ASTN1: variants seen among roughly 807,000 people sequenced by gnomAD.
ASTN1 encodes astrotactin 1, also known as astrotactin-1.
A neutral mutation model predicts 140.7 loss-of-function variants in ASTN1; 41 were observed. The observed-to-expected ratio is 0.29, with a 90% CI of 0.23 to 0.38. The LOEUF (loss-of-function observed/expected upper bound fraction) is 0.38, where lower values mean the gene tolerates loss of function less well. Among genes scored for constraint, ASTN1 ranks in the 10% least tolerant of loss-of-function variants. The probability of loss-of-function intolerance (pLI) is 1.00; values close to 1 mark genes in which losing one functional copy is unlikely to be tolerated. For synonymous variants in ASTN1, 640 were observed against 652.2 expected, an observed-to-expected ratio of 0.98 and a Z score of 0.29; for missense variants, 1,479 against 1,678.8, an observed-to-expected ratio of 0.88 and a Z score of 2.08.
rs116128886 is a variant in ASTN1 at position 177,063,780 on chromosome 1, T to C, written c.284-2515A>G. 8.7e-3 allele frequency among the ~76,000 whole-genome samples: 1,323 copies of C among 152,208 alleles called. 20 individuals are homozygous for C. Among genetic ancestry groups the C allele is most frequent in the African/African-American group, 0.03 (1,263 of 41,528 alleles). On this transcript the variant is annotated intron_variant, in intron 1 of 22. Transcript: ENST00000361833. ...TTATTGCAGCGGAAACCAAACTCTG[T>C]CTCCTAACCCTGGACATAAAAATCA...
At chr1:177,157,004 G>A (rs1369695987) in intron 1 of ASTN1, among the ~76,000 whole-genome samples, 3 of 152,164 alleles carry the variant, frequency 2.0e-5, no homozygotes, top group African/African-American at 7.2e-5. Flanking sequence ...ACCAAAACAA[G>A]TCTGAGAAAG....
chr1:177,136,591 T>G (rs530270261), intron 1 of ASTN1, among the ~76,000 whole-genome samples: 2 of 152,098 alleles, frequency 1.3e-5, no homozygotes, highest in Non-Finnish European at 2.9e-5. Context: ...TGACCTCAGG[T>G]GATCCCCCTG....
At chr1:177,120,354 T>C (rs1681319471) in intron 1 of ASTN1, among the ~76,000 whole-genome samples, 1 of 152,126 alleles carries the variant, frequency 6.6e-6, no homozygotes, top group Non-Finnish European at 1.5e-5. Context: ...GCCCCACTGA[T>C]TACAAGGACA....
chr1:177,105,829 A>G (rs539666069), intron 1 of ASTN1, among the ~76,000 whole-genome samples: 7 of 152,260 alleles, frequency 4.6e-5, no homozygotes, highest in Admixed American at 2.0e-4. Context: ...TTTCACTGTA[A>G]AAAAGAACAC....
At chr1:177,102,970 A>G (rs374208400) in intron 1 of ASTN1, among the ~76,000 whole-genome samples, 1 of 152,222 alleles carries the variant, frequency 6.6e-6, no homozygotes, top group Non-Finnish European at 1.5e-5. Context: ...GGCTGCTACT[A>G]GAAACTGAAA....
intron 2 of ASTN1, among the ~76,000 whole-genome samples, chr1:177,046,773 A>T (rs754968781): frequency 3.2e-4 from 48 of 152,274 alleles, no homozygotes; most frequent in Non-Finnish European, 6.0e-4. Flanking sequence ...GAATATGTGA[A>T]GGGAGGAAGA....
rs1680874312 is a variant in ASTN1, at chr1:177,112,571, TG to T, written c.284-51307del. ...AAATGGCTTCAAATAAAGCTTTCTG[TG>T]GTTCATCAATATTTCCACAAGGAGT... On this transcript the variant is annotated intron_variant, in intron 1 of 22. Coordinates refer to ENST00000361833, the MANE Select transcript of ASTN1 (RefSeq NM_004319.3). Among the ~76,000 whole-genome samples, 2 of 152,196 alleles carry T rather than the reference TG, an allele frequency of 1.3e-5. 1 individual carries two copies. The highest frequency in any genetic ancestry group is 4.1e-4 in the South Asian group (2 of 4,828).
intron 12 of ASTN1, among the ~76,000 whole-genome samples, chr1:176,948,306 G>C (rs1410868722): frequency 1.4e-5 from 2 of 143,302 alleles, no homozygotes; most frequent in African/African-American, 5.0e-5. Context: ...GAGGGAGAGG[G>C]GGGAGAATGG....
intron 16 of ASTN1, among the ~76,000 whole-genome samples, chr1:176,896,627 A>T (rs891488419): frequency 6.6e-6 from 1 of 152,180 alleles, no homozygotes; most frequent in African/African-American, 2.4e-5. Flanking sequence ...GCCCTTCATT[A>T]ATGCCTCATG....
chr1:177,071,885 T>C (rs1397554501), intron 1 of ASTN1, among the ~76,000 whole-genome samples: 1 of 152,144 alleles, frequency 6.6e-6, no homozygotes, highest in East Asian at 1.9e-4. Context: ...TAGAGGGAAT[T>C]CCACAAAGAC....
intron 8 of ASTN1, chr1:176,976,742 T>C (rs1234292648): frequency 1.3e-5 from 2 of 152,266 alleles, no homozygotes; most frequent in African/African-American, 4.8e-5. Flanking sequence ...ACTTTTACCC[T>C]GGGCTCATAT....
chr1:176,954,477 G>T (rs939365417), intron 11 of ASTN1, among the ~76,000 whole-genome samples: 3 of 152,158 alleles, frequency 2.0e-5, no homozygotes, highest in African/African-American at 7.2e-5. Context: ...GTGGCATTTT[G>T]ATTTTAGCCC....
intron 7 of ASTN1, among the ~76,000 whole-genome samples, chr1:177,021,501 T>C (rs1457727089): frequency 1.3e-5 from 2 of 152,192 alleles, no homozygotes; most frequent in Non-Finnish European, 2.9e-5. Flanking sequence ...TCTGGGGAAA[T>C]TAAGCAACCT....
intron 2 of ASTN1, among the ~76,000 whole-genome samples, chr1:177,052,695 CT>C (rs1677598430): frequency 6.6e-6 from 1 of 152,202 alleles, no homozygotes; most frequent in South Asian, 2.1e-4. Context: ...CTTCCTTTAC[CT>C]TTTGAAGCAG....
rs1396762915 is a variant in ASTN1 at position 177,048,085 on chromosome 1, T to G, written c.471+12993A>C. ...CACTTCCCACTCTTAACTTTTTTCA[T>G]TAGATGAAATCAGGTGAAAACGAAC... On this transcript the variant is annotated intron_variant, in intron 2 of 22. Coordinates refer to ENST00000361833, the MANE Select transcript of ASTN1 (RefSeq NM_004319.3). 4.6e-5 allele frequency among the ~76,000 whole-genome samples: 7 copies of G among 152,270 alleles called. No individual in the cohort carries two copies. The East Asian group carries it at 1.4e-3, about 29-fold the overall frequency.
At chr1:177,021,592 G>A (rs1359815926) in intron 7 of ASTN1, among the ~76,000 whole-genome samples, 1 of 152,164 alleles carries the variant, frequency 6.6e-6, no homozygotes, top group Non-Finnish European at 1.5e-5. Context: ...TGGGCAAATC[G>A]TGTAACTTCT....
intron 16 of ASTN1, among the ~76,000 whole-genome samples, chr1:176,926,728 G>A (rs961702580): frequency 1.3e-5 from 2 of 151,140 alleles, no homozygotes; most frequent in African/African-American, 4.9e-5. Context: ...TTTGGAGCTA[G>A]TTTGCAACCT....
intron 8 of ASTN1, among the ~76,000 whole-genome samples, chr1:176,971,319 C>T (rs996981384): frequency 6.6e-6 from 1 of 152,166 alleles, no homozygotes; most frequent in African/African-American, 2.4e-5. Flanking sequence ...ATGTCACTAT[C>T]TTCACAATCA....
At chr1:177,084,622 C>T (rs1679339001) in intron 1 of ASTN1, among the ~76,000 whole-genome samples, 1 of 152,060 alleles carries the variant, frequency 6.6e-6, no homozygotes, top group African/African-American at 2.4e-5. Context: ...AACCCCTCTA[C>T]CTGTGCCCTT....
Sources: allele counts gnomAD v4.1 joint callset (sites outside exome capture counted in the v4.1 genomes callset), GRCh38; gene constraint gnomAD v4.1.1; transcripts MANE v1.5; gene names NCBI Gene and HGNC (gene_info 2026-07-23, HGNC 2026-07-21).